The following DDX39B variants were observed in gnomAD, a reference collection of about 807,000 sequenced individuals.
DDX39B encodes the protein spliceosome RNA helicase DDX39B.
A neutral mutation model predicts 46.4 loss-of-function variants in DDX39B; 6 were observed. That is an observed-to-expected ratio of 0.13 (90% CI 0.07 to 0.26). DDX39B has a LOEUF of 0.26. Ranked by LOEUF, DDX39B falls within the 10% of genes least tolerant of loss-of-function variation. The pLI, the probability that DDX39B is intolerant of heterozygous loss-of-function variation, is 1.00. For synonymous variants in DDX39B, 174 were observed against 199.4 expected, an observed-to-expected ratio of 0.87 and a Z score of 1.07; for missense variants, 185 against 553.4, an observed-to-expected ratio of 0.33 and a Z score of 6.68.
Position 31,531,438 on chromosome 6 carries a change from G to A in DDX39B, c.868-33C>T. ...GGGGTGGGGTGGGGGGTCGCAAATT[G>A]GGGGAATAGGGGTCCATGGTGTGTG... is the stretch of plus-strand genomic sequence containing the variant. On this transcript the variant is annotated intron_variant, in intron 7 of 10. Transcript: ENST00000396172. This position sits in a 1 kb window ranked among gnomAD's most constrained non-coding sequence, Gnocchi z 5.8. The A allele has an allele frequency of 6.3e-7, 1 of 1,588,326 alleles. No homozygotes were observed. The highest frequency in any genetic ancestry group is 8.6e-7 in the Non-Finnish European group (1 of 1,156,834).
At chr6:31,538,893 A>G (rs747487630) in intron 3 of DDX39B, 38 bp from the exon 4 acceptor site, 1 of 1,593,214 alleles carries the variant, frequency 6.3e-7, no homozygotes, top group Non-Finnish European at 8.6e-7. Context: ...TGGTAAATGT[A>G]GCTCTTCATT....
chr6:31,535,586 T>A lies in DDX39B; in HGVS notation c.617-101A>T. ...GTGAGGTGAAGATTGCTGGAAATAG[T>A]AACAACACAATGGAAAGAGCAATGG... On this transcript the variant is annotated intron_variant, in intron 5 of 10. Transcript: ENST00000396172. This position sits in a 1 kb window ranked among gnomAD's most constrained non-coding sequence, Gnocchi z 4.6. 1.2e-6 allele frequency: 1 copy of A among 864,242 alleles called. No homozygotes were observed. The highest frequency in any genetic ancestry group is 1.9e-6 in the Non-Finnish European group (1 of 534,550). 53.5% of individuals were successfully genotyped at this position (864,242 alleles called of 1,614,324 possible). A position where few individuals can be genotyped will look rare whatever the true frequency, so the allele number is the denominator to read the frequency against.
rs1768127857 is a variant in DDX39B, at chr6:31,539,272, G to A, written c.214C>T (p.Gln72Ter). 1 of 1,610,126 alleles carries A rather than the reference G, an allele frequency of 6.2e-7. No individual in the cohort carries two copies. Among genetic ancestry groups the A allele is most frequent in the Non-Finnish European group, 8.5e-7 (1 of 1,177,530 alleles). Reference sequence around the variant, plus strand: ...ATGGCCTGAGGGATGCACTCATGCTGGACTAAAAGTTGGGGGGGGAGGAAG... The same window carrying A: ...ATGGCCTGAGGGATGCACTCATGCTAGACTAAAAGTTGGGGGGGGAGGAAG... ...DCGFEHPSEV[Q>*]HECIPQAILG... Residue 72 changes from glutamine (Q) to a stop codon, truncating the protein, a stop_gained and splice_region_variant, in exon 3 of 11, where the codon CAG (glutamine) becomes TAG (stop). Transcript: ENST00000396172. LOFTEE classifies it high-confidence loss of function.
chr6:31,530,742 G>C lies in DDX39B; in HGVS notation c.1270+37C>G, dbSNP rs200088153. On this transcript the variant is annotated intron_variant, in intron 10 of 10. Coordinates refer to ENST00000396172, the MANE Select transcript of DDX39B (RefSeq NM_004640.7). The surrounding 1 kb of genome is among the most constrained non-coding windows in gnomAD (Gnocchi z 4.5). ...TTTCGGACAAACACACTAAGGAACA[G>C]GGAGGACCTAAAGGGTTTCATGAGA... 9.4e-6 allele frequency: 15 copies of C among 1,602,412 alleles called. No homozygotes were observed. Among genetic ancestry groups the C allele is most frequent in the Non-Finnish European group, 1.2e-5 (14 of 1,175,864 alleles).
In DDX39B at chr6:31,535,208, T is replaced by C. The variant is rs1040683352; in HGVS notation, c.735+159A>G. 4.2e-6 allele frequency: 3 copies of C among 722,282 alleles called. No individual in the cohort carries two copies. The highest frequency in any genetic ancestry group is 2.1e-5 in the Admixed American group (1 of 48,550). 44.7% of individuals were successfully genotyped at this position (722,282 alleles called of 1,614,324 possible). ...CCCGCGCAGGCCCTAACACTAGCTGTCTCTGCTTCTGTATGTCTCTTCAAG... is the reference window on the plus strand; with the variant it reads ...CCCGCGCAGGCCCTAACACTAGCTGCCTCTGCTTCTGTATGTCTCTTCAAG... On this transcript the variant is annotated intron_variant, in intron 6 of 10. Coordinates refer to ENST00000396172, the MANE Select transcript of DDX39B (RefSeq NM_004640.7). This position sits in a 1 kb window ranked among gnomAD's most constrained non-coding sequence, Gnocchi z 4.6.
At position 31,535,496 on chromosome 6, in the gene DDX39B, A is replaced by G. The variant is rs1216048772; in HGVS notation, c.617-11T>C. The G allele has an allele frequency of 4.4e-6, 7 of 1,604,620 alleles. No individual in the cohort carries two copies. Among genetic ancestry groups the G allele is most frequent in the Non-Finnish European group, 5.1e-6 (6 of 1,173,164 alleles). On this transcript the variant is annotated splice_polypyrimidine_tract_variant and intron_variant, in intron 5 of 10. Transcript: ENST00000396172. This position sits in a 1 kb window ranked among gnomAD's most constrained non-coding sequence, Gnocchi z 4.6. ...CATCCCGACGCATGTCTACAAGAACAAGGAAAAAAATTGTAGGAGAAAATA... is the reference window on the plus strand; with the variant it reads ...CATCCCGACGCATGTCTACAAGAACGAGGAAAAAAATTGTAGGAGAAAATA...
intron 3 of DDX39B, 90 bp downstream of exon 3, chr6:31,539,057 G>A (rs751026616): frequency 6.2e-7 from 1 of 1,605,942 alleles, no homozygotes; most frequent in Admixed American, 1.7e-5. Context: ...TGTGCTCATG[G>A]CTCTGCAAGC....
intron 1 of DDX39B, 161 bp downstream of exon 1, chr6:31,541,789 G>A (rs1170826608): frequency 1.1e-5 from 7 of 663,446 alleles, no homozygotes; most frequent in Admixed American, 4.6e-5. Context: ...TCCCCCAGGA[G>A]CTCTTTGCTC....
intron 2 of DDX39B, 44 bp downstream of exon 2, chr6:31,540,278 C>G: frequency 6.3e-7 from 1 of 1,594,064 alleles, no homozygotes; most frequent in Non-Finnish European, 8.6e-7. Flanking sequence ...GTATTGTACC[C>G]TTAAAGAGCC....
Position 31,532,816 on chromosome 6 carries a change from C to T in DDX39B, c.831G>A (p.Lys277=). The part of the protein sequence containing the change: ...VKLKDNEKNR[K]LFDLLDVLEF... ...CAAGGACATCCAGAAGGTCAAAGAG[C>T]TTCCGGTTCTTCTCGTTGTCCTTCA... The change falls in exon 7 of 11, where the codon AAG becomes AAA. Residue 277 remains lysine, a synonymous_variant. Coordinates refer to ENST00000396172, the MANE Select transcript of DDX39B (RefSeq NM_004640.7). The T allele has an allele frequency of 6.2e-7, 1 of 1,609,968 alleles. No individual in the cohort carries two copies. The highest frequency in any genetic ancestry group is 8.5e-7 in the Non-Finnish European group (1 of 1,179,054).
Position 31,538,615 on chromosome 6 carries a change from G to A in DDX39B, c.432+148C>T, listed in dbSNP as rs188866623. 16 of 683,984 alleles carry A rather than the reference G, an allele frequency of 2.3e-5. No individual in the cohort carries two copies. The Admixed American group carries it at 2.9e-4, about 13-fold the overall frequency. The allele number at this position is 683,984 out of a possible 1,614,324, so 42.4% of individuals were successfully genotyped here. On this transcript the variant is annotated intron_variant, in intron 4 of 10. Coordinates refer to ENST00000396172, the MANE Select transcript of DDX39B (RefSeq NM_004640.7). ...TAAGCATCATCCATAGCCCAATTACGAATCCTCCTGTTACATAGGAACTCA... is the reference window on the plus strand; with the variant it reads ...TAAGCATCATCCATAGCCCAATTACAAATCCTCCTGTTACATAGGAACTCA...
chr6:31,536,867 A>G (rs1383986984), intron 4 of DDX39B, among the ~76,000 whole-genome samples, 184 bp from the exon 5 acceptor site: 3 of 152,244 alleles, frequency 2.0e-5, no homozygotes. Flanking sequence ...GATTGCCTAA[A>G]GTTACATGGC....
intron 7 of DDX39B, 172 bp downstream of exon 7, chr6:31,532,608 T>C (rs893940557): frequency 2.6e-6 from 2 of 770,176 alleles, no homozygotes; most frequent in Non-Finnish European, 4.0e-6. Flanking sequence ...AGCCATAGAA[T>C]AGAAAAGCAG....
Position 31,534,945 on chromosome 6 carries a change from C to A in DDX39B, c.735+422G>T. On this transcript the variant is annotated intron_variant, in intron 6 of 10. Transcript: ENST00000396172. This position sits in a 1 kb window ranked among gnomAD's most constrained non-coding sequence, Gnocchi z 5.1. ...TGTCTGTCCCTCTCTTGCTCTCCTGCCACCGGGAAGTAGGAGTTTTGGTGA... is the reference window on the plus strand; with the variant it reads ...TGTCTGTCCCTCTCTTGCTCTCCTGACACCGGGAAGTAGGAGTTTTGGTGA... The A allele has an allele frequency of 3.7e-6, 1 of 266,804 alleles. No homozygotes were observed. The highest frequency in any genetic ancestry group is 7.4e-6 in the Non-Finnish European group (1 of 134,464). The allele number at this position is 266,804 out of a possible 1,614,324, so 16.5% of individuals were successfully genotyped here. A position where few individuals can be genotyped will look rare whatever the true frequency, so the allele number is the denominator to read the frequency against.
intron 7 of DDX39B, 116 bp downstream of exon 7, chr6:31,532,664 T>C: frequency 7.3e-7 from 1 of 1,368,004 alleles, no homozygotes; most frequent in Non-Finnish European, 1.0e-6. Context: ...TATACCCTCA[T>C]TATTCTCTCC....
chr6:31,530,321 G>A lies in DDX39B; in HGVS notation c.*113C>T. Reference sequence around the variant, plus strand: ...CAGGAGTGGTGGTGATGCAAAAGATGGAAGCCATGGGGTGGGGGCTGTCAG... The same window carrying A: ...CAGGAGTGGTGGTGATGCAAAAGATAGAAGCCATGGGGTGGGGGCTGTCAG... On this transcript the variant is annotated 3_prime_UTR_variant, in exon 11 of 11. Transcript: ENST00000396172. This position sits in a 1 kb window ranked among gnomAD's most constrained non-coding sequence, Gnocchi z 4.5. The A allele has an allele frequency of 7.7e-7, 1 of 1,297,152 alleles. No individual in the cohort carries two copies. Among genetic ancestry groups the A allele is most frequent in the Non-Finnish European group, 1.1e-6 (1 of 936,656 alleles). 80.4% of individuals were successfully genotyped at this position (1,297,152 alleles called of 1,614,324 possible).
rs1247996351 is a variant in DDX39B at position 31,538,743 on chromosome 6, G to A, written c.432+20C>T. The A allele has an allele frequency of 6.2e-7, 1 of 1,603,488 alleles. No homozygotes were observed. The highest frequency in any genetic ancestry group is 1.7e-5 in the Admixed American group (1 of 58,614). On this transcript the variant is annotated intron_variant, in intron 4 of 10. Transcript: ENST00000396172. ...CAACTTGCCACACCCTCACTCTCAG[G>A]TCTCTTTACCTTGGCTTACCTTGAC...
Position 31,530,685 on chromosome 6 carries a change from T to C in DDX39B, c.1270+94A>G. The C allele has an allele frequency of 1.3e-6, 2 of 1,510,084 alleles. No homozygotes were observed. Among genetic ancestry groups the C allele is most frequent in the Non-Finnish European group, 9.0e-7 (1 of 1,107,876 alleles). 93.5% of individuals were successfully genotyped at this position (1,510,084 alleles called of 1,614,324 possible). On this transcript the variant is annotated intron_variant, in intron 10 of 10. Coordinates refer to ENST00000396172, the MANE Select transcript of DDX39B (RefSeq NM_004640.7). This position sits in a 1 kb window ranked among gnomAD's most constrained non-coding sequence, Gnocchi z 4.5. Reference sequence around the variant, plus strand: ...GCATGAACCAGTCAAGTGTCCATTATGCATCAGATGCCCATGACCTATGTG... The same window carrying C: ...GCATGAACCAGTCAAGTGTCCATTACGCATCAGATGCCCATGACCTATGTG...
At position 31,540,521 on chromosome 6, in the gene DDX39B, G is replaced by A. The variant is rs368119305; in HGVS notation, c.12C>T (p.Asn4=). 1.5e-5 allele frequency: 25 copies of A among 1,614,104 alleles called. No homozygotes were observed. In the South Asian group the frequency reaches 2.0e-4, roughly 13 times the overall value. ...AGTCCAAGAGCTCATTGTCCACATC[G>A]TTCTCTGCCATAACTGGGCCGGCAG... is the stretch of plus-strand genomic sequence containing the variant. MAE[N]DVDNELLDYE... is the part of the protein sequence containing the mutation. Residue 4 remains asparagine (N), a synonymous_variant, in exon 2 of 11, where the codon AAC becomes AAT. Transcript: ENST00000396172.
Sources: allele counts gnomAD v4.1 joint callset (sites outside exome capture counted in the v4.1 genomes callset), GRCh38; gene constraint gnomAD v4.1.1; non-coding constraint Gnocchi (gnomAD v3.1); transcripts MANE v1.5; gene names NCBI Gene and HGNC (gene_info 2026-07-23, HGNC 2026-07-21).